Variants in LGR6 observed in about 807,000 individuals in gnomAD.
LGR6 encodes leucine rich repeat containing G protein-coupled receptor 6.
In LGR6, 45 loss-of-function variants were observed where a neutral mutation model predicts 69.4. The observed-to-expected ratio is 0.65, with a 90% CI of 0.51 to 0.83. The LOEUF is 0.83. Ranked by LOEUF, LGR6 falls within the 40% of genes least tolerant of loss-of-function variation. The pLI, the probability that LGR6 is intolerant of heterozygous loss-of-function variation, is 0.00. For missense variants in LGR6, 1,108 were observed against 1,246.7 expected, an observed-to-expected ratio of 0.89 and a Z score of 1.68; for synonymous variants, 538 against 555.0, an observed-to-expected ratio of 0.97 and a Z score of 0.43.
At chr1:202,305,952 A>G (rs958617590) in intron 12 of LGR6, among the ~76,000 whole-genome samples, 3 of 152,212 alleles carry the variant, frequency 2.0e-5, no homozygotes, top group Non-Finnish European at 4.4e-5. Flanking sequence ...TCACAGCAGA[A>G]GACCGACCCA....
chr1:202,280,507 A>G (rs1665919775), intron 5 of LGR6, among the ~76,000 whole-genome samples: 1 of 152,146 alleles, frequency 6.6e-6, no homozygotes, highest in Admixed American at 6.5e-5. Flanking sequence ...CTTAGGGGGA[A>G]CTTGCTTTAG....
intron 1 of LGR6, among the ~76,000 whole-genome samples, chr1:202,204,502 T>C (rs1201824053): frequency 2.7e-3 from 46 of 17,348 alleles, no homozygotes; most frequent in East Asian, 5.0e-3. Context: ...CACACACACC[T>C]CCAAACACAC....
At position 202,310,348 on chromosome 1, in the gene LGR6, G is replaced by A. The variant is rs1653622733; in HGVS notation, c.1558G>A (p.Glu520Lys). 6.2e-7 allele frequency: 1 copy of A among 1,613,646 alleles called. No homozygotes were observed. The highest frequency in any genetic ancestry group is 8.5e-7 in the Non-Finnish European group (1 of 1,179,966). ...CCTGGGCCTCCTTGCCAGACAAGCA[G>A]AGAACCACTGTGAGTGACCAGGGGC... ...RPLGLLARQA[E>K]NHYDQDLDEL... Residue 520 changes from glutamate (E) to lysine (K), a missense_variant, in exon 16 of 18, where the codon GAG becomes AAG. Transcript: ENST00000367278.
At chr1:202,216,069 T>G (rs964833532) in intron 1 of LGR6, among the ~76,000 whole-genome samples, 1 of 152,220 alleles carries the variant, frequency 6.6e-6, no homozygotes, top group African/African-American at 2.4e-5. Context: ...GTGATTGGAC[T>G]TTGCCGCTTC....
intron 4 of LGR6, among the ~76,000 whole-genome samples, chr1:202,248,098 C>A (rs765763888): frequency 6.6e-6 from 1 of 152,220 alleles, no homozygotes; most frequent in Non-Finnish European, 1.5e-5. Context: ...CACACAGCAA[C>A]CGGAAAAGGC....
chr1:202,292,869 C>T (rs1433386403), intron 6 of LGR6, among the ~76,000 whole-genome samples: 1 of 152,238 alleles, frequency 6.6e-6, no homozygotes, highest in East Asian at 1.9e-4. Flanking sequence ...AATAGCCACA[C>T]ATGCCTAGTG....
intron 6 of LGR6, among the ~76,000 whole-genome samples, chr1:202,291,003 C>G (rs913677860): frequency 6.6e-6 from 1 of 152,166 alleles, no homozygotes; most frequent in African/African-American, 2.4e-5. Flanking sequence ...TTCTGCACAG[C>G]CTGATGGAAA....
At position 202,319,191 on chromosome 1, in the gene LGR6, T is replaced by G; in HGVS notation, c.2888T>G (p.Phe963Cys). The G allele has an allele frequency of 6.2e-7, 1 of 1,604,976 alleles. No individual in the cohort carries two copies. Among genetic ancestry groups the G allele is most frequent in the Non-Finnish European group, 8.5e-7 (1 of 1,175,410 alleles). ...GGCTTTCAGCCCTCTGGCTTGGCCT[T>G]TGCTTCACACGTGTAAATATCCCTC... ...GGGFQPSGLAFASHV is the reference protein window; with the variant it reads ...GGGFQPSGLACASHV Residue 963 changes from phenylalanine to cysteine, a missense_variant, in exon 18 of 18, where the codon TTT (phenylalanine) becomes TGT (cysteine). By Grantham distance (205) the Phe-to-Cys change is radical. Coordinates refer to ENST00000367278, the MANE Select transcript of LGR6 (RefSeq NM_001017403.2).
At chr1:202,231,042 A>G (rs1357789436) in intron 3 of LGR6, among the ~76,000 whole-genome samples, 1 of 152,122 alleles carries the variant, frequency 6.6e-6, no homozygotes, top group South Asian at 2.1e-4. Flanking sequence ...CTTGATAAAG[A>G]CTAAGGCTCT....
At chr1:202,305,235 A>G (rs1028681852) in intron 11 of LGR6, among the ~76,000 whole-genome samples, 1 of 152,140 alleles carries the variant, frequency 6.6e-6, no homozygotes, top group South Asian at 2.1e-4. Flanking sequence ...TGTGGGCCTC[A>G]GGTTTCTCAT....
intron 1 of LGR6, among the ~76,000 whole-genome samples, chr1:202,209,636 A>G (rs1011546521): frequency 1.3e-5 from 2 of 152,264 alleles, no homozygotes; most frequent in Non-Finnish European, 2.9e-5. Context: ...GATTTAAAAC[A>G]TATTTATAAA....
chr1:202,262,314 A>G (rs1235276904), intron 4 of LGR6, among the ~76,000 whole-genome samples: 2 of 152,198 alleles, frequency 1.3e-5, no homozygotes, highest in Admixed American at 1.3e-4. Flanking sequence ...GCTAGCCCAT[A>G]TGTTTTCCCA....
intron 7 of LGR6, among the ~76,000 whole-genome samples, chr1:202,299,259 C>CAAAAAA (rs940683421): frequency 1.5e-5 from 1 of 67,140 alleles, no homozygotes; most frequent in Non-Finnish European, 3.2e-5. Context: ...GACTCTGTCT[C>CAAAAAA]AAAAAAAAAA....
intron 4 of LGR6, among the ~76,000 whole-genome samples, chr1:202,262,160 A>G (rs1343126469): frequency 1.3e-5 from 2 of 151,616 alleles, no homozygotes; most frequent in Non-Finnish European, 3.0e-5. Context: ...GTCCTTGCCC[A>G]TGCCTATGTC....
chr1:202,216,227 G>T (rs1383698179), intron 1 of LGR6, among the ~76,000 whole-genome samples: 1 of 152,232 alleles, frequency 6.6e-6, no homozygotes, highest in Non-Finnish European at 1.5e-5. Flanking sequence ...GTTGAGTTGG[G>T]TGGTGATGCT....
At chr1:202,309,251 G>T (rs1653520435) in intron 15 of LGR6, 75 bp downstream of exon 15, 1 of 1,562,184 alleles carries the variant, frequency 6.4e-7, no homozygotes, top group Non-Finnish European at 8.7e-7. Flanking sequence ...AAGCCAGATG[G>T]CCCCACCCTG....
At chr1:202,203,732 G>A (rs1658916840) in intron 1 of LGR6, 2 of 1,428,992 alleles carry the variant, frequency 1.4e-6, no homozygotes, top group Non-Finnish European at 2.0e-6. Context: ...GGGCACAGAG[G>A]AGGGAACGCT....
chr1:202,265,976 G>A (rs764041257), intron 4 of LGR6, among the ~76,000 whole-genome samples: 3 of 152,086 alleles, frequency 2.0e-5, no homozygotes, highest in South Asian at 2.1e-4. Flanking sequence ...CACCTCTATC[G>A]ACCATCTTTC....
intron 1 of LGR6, among the ~76,000 whole-genome samples, chr1:202,217,150 C>T (rs1034432367): frequency 1.3e-5 from 2 of 152,192 alleles, no homozygotes; most frequent in African/African-American, 2.4e-5. Context: ...TCTCCATCTC[C>T]TCACTCTGCC....
Sources: allele counts gnomAD v4.1 joint callset (sites outside exome capture counted in the v4.1 genomes callset), GRCh38; gene constraint gnomAD v4.1.1; transcripts MANE v1.5; gene names NCBI Gene and HGNC (gene_info 2026-07-23, HGNC 2026-07-21).